The following NFX1 variants were observed in gnomAD, a reference collection of about 807,000 sequenced individuals.
The protein encoded by NFX1 is transcriptional repressor NF-X1.
Under a neutral mutation model 137.2 loss-of-function variants are expected in NFX1, and 69 were observed. The observed-to-expected ratio is 0.50, with a 90% CI of 0.41 to 0.61. The LOEUF is 0.61. NFX1 is among the 20% of genes least tolerant of loss of function. The pLI is 0.00. For missense variants in NFX1, 1,167 were observed against 1,391.0 expected (o/e 0.84, Z 2.56); for synonymous variants, 495 against 474.1 (o/e 1.04, Z -0.57).
intron 20 of NFX1, among the ~76,000 whole-genome samples, chr9:33,364,449 G>T (rs1564151629): frequency 6.6e-6 from 1 of 152,182 alleles, no homozygotes; most frequent in Non-Finnish European, 1.5e-5. Flanking sequence ...TGCGTTCTCA[G>T]TTGGAGCTAT....
intron 16 of NFX1, 177 bp downstream of exon 16, chr9:33,351,967 GTA>G (rs1305363979): frequency 3.3e-5 from 19 of 580,688 alleles, no homozygotes; most frequent in Non-Finnish European, 4.9e-5. Context: ...GCCCAACTTG[GTA>G]TGGCCTTTTG....
chr9:33,315,797 T>G (rs1587833603), intron 7 of NFX1, among the ~76,000 whole-genome samples: 2 of 147,664 alleles, frequency 1.4e-5, no homozygotes, highest in African/African-American at 2.5e-5. Flanking sequence ...GAGGCTGAGG[T>G]GGAAGGATGG....
At chr9:33,342,644 T>TC in intron 12 of NFX1, 102 bp from the exon 13 acceptor site, 1 of 786,846 alleles carries the variant, frequency 1.3e-6, no homozygotes, top group Non-Finnish European at 2.0e-6. Context: ...TATCATTTTA[T>TC]CCATAAATGT....
chr9:33,325,559 G>T (rs936292087), intron 9 of NFX1, among the ~76,000 whole-genome samples: 3 of 152,270 alleles, frequency 2.0e-5, no homozygotes, highest in Non-Finnish European at 2.9e-5. Context: ...AGCTACTCGG[G>T]ATGCTGAGGC....
Position 33,313,699 on chromosome 9 carries a change from C to A in NFX1, c.1494C>A (p.Asn498Lys). ...CGQAVSVHCS[N>K]PCENILNCGQ... ...AGGCTGTCTCAGTCCACTGTTCTAACCCATGTGAGAATATTTTGAACTGTG... is the reference window on the plus strand; with the variant it reads ...AGGCTGTCTCAGTCCACTGTTCTAAACCATGTGAGAATATTTTGAACTGTG... The change falls in exon 7 of 24, where the codon AAC becomes AAA. Residue 498 changes from asparagine (N) to lysine (K), a missense_variant. Asn to Lys is a moderately conservative substitution (Grantham distance 94). Around this residue, in one of 3 missense-constraint regions of NFX1, gnomAD observed 488 missense variants for 691.5 expected, o/e 0.71. Transcript: ENST00000379540. The A allele has an allele frequency of 1.9e-6, 3 of 1,614,130 alleles. No individual in the cohort carries two copies. Among genetic ancestry groups the A allele is most frequent in the Non-Finnish European group, 2.5e-6 (3 of 1,180,000 alleles).
chr9:33,362,574 CA>C (rs1208335443), intron 19 of NFX1, among the ~76,000 whole-genome samples: 1 of 151,226 alleles, frequency 6.6e-6, no homozygotes, highest in Non-Finnish European at 1.5e-5. Context: ...AATACAGAAG[CA>C]GAGAGTAGAC....
intron 23 of NFX1, among the ~76,000 whole-genome samples, chr9:33,368,403 T>C (rs936615856): frequency 3.9e-5 from 6 of 152,182 alleles, no homozygotes; most frequent in Non-Finnish European, 8.8e-5. Flanking sequence ...GAAAACCAAG[T>C]TGGCAAGGGG....
intron 10 of NFX1, among the ~76,000 whole-genome samples, chr9:33,329,492 T>C (rs985358462): frequency 2.0e-5 from 3 of 152,164 alleles, no homozygotes; most frequent in Admixed American, 6.6e-5. Flanking sequence ...ATGACACTTA[T>C]ATCAGGCATG....
chr9:33,290,794 A>G (rs1821129765), intron 1 of NFX1, among the ~76,000 whole-genome samples, 197 bp downstream of exon 1: 2 of 152,242 alleles, frequency 1.3e-5, no homozygotes, highest in African/African-American at 2.4e-5. Flanking sequence ...GGTGAAGCCC[A>G]GTAGCTGGGT....
chr9:33,346,080 T>C (rs1374022046), intron 14 of NFX1, among the ~76,000 whole-genome samples: 2 of 152,220 alleles, frequency 1.3e-5, no homozygotes, highest in African/African-American at 4.8e-5. Context: ...ACTTAACAAA[T>C]TCTTCATTAA....
intron 5 of NFX1, among the ~76,000 whole-genome samples, chr9:33,307,794 C>CTTTTTT (rs139468485): frequency 1.2e-5 from 1 of 85,306 alleles, no homozygotes; most frequent in Non-Finnish European, 2.4e-5. Flanking sequence ...TTCTTTCTTT[C>CTTTTTT]TTTTTTTTTT....
Position 33,328,630 on chromosome 9 carries a change from A to G in NFX1, c.1956A>G (p.Pro652=). 3.7e-6 allele frequency: 6 copies of G among 1,612,744 alleles called. No individual in the cohort carries two copies. The highest frequency in any genetic ancestry group is 5.1e-6 in the Non-Finnish European group (6 of 1,178,834). ...EKLCHEGDCG[P]CSRTSVISCR... Reference sequence around the variant, plus strand: ...TCTGCCATGAAGGAGACTGTGGACCATGCTCTCGCACATCAGTTATTTCCT... The same window carrying G: ...TCTGCCATGAAGGAGACTGTGGACCGTGCTCTCGCACATCAGTTATTTCCT... Residue 652 remains proline, a synonymous_variant, in exon 10 of 24, where the codon CCA becomes CCG. Coordinates refer to ENST00000379540, the MANE Select transcript of NFX1 (RefSeq NM_002504.6).
intron 11 of NFX1, 187 bp downstream of exon 11, chr9:33,332,689 A>G: frequency 1.9e-6 from 1 of 530,636 alleles, no homozygotes; most frequent in East Asian, 3.1e-5. Context: ...GCTGAAAAAT[A>G]TAAGCTAAGT....
chr9:33,301,215 T>C (rs755724429), intron 2 of NFX1, 48 bp from the exon 3 acceptor site: 12 of 1,550,744 alleles, frequency 7.7e-6, no homozygotes, highest in Non-Finnish European at 1.1e-5. Context: ...TGAGGAATGG[T>C]TTTTTGTGTT....
chr9:33,369,923 A>G lies in NFX1; in HGVS notation c.3308A>G (p.Asn1103Ser), dbSNP rs1363993910. 3.7e-6 allele frequency: 6 copies of G among 1,613,486 alleles called. No individual in the cohort carries two copies. In the Admixed American group the frequency reaches 6.7e-5, roughly 18 times the overall value. ...HQSDKNPGSS[N>S]LQKITKEPII... ...TTTTTCAGGAATCCTGGGAGCAGTA[A>G]TTTACAGAAAATAACCAAGGAGCCA... is the stretch of plus-strand genomic sequence containing the variant. Residue 1103 changes from asparagine (N) to serine (S), a missense_variant, in exon 24 of 24, where the codon AAT (asparagine) becomes AGT (serine). Coordinates refer to ENST00000379540, the MANE Select transcript of NFX1 (RefSeq NM_002504.6).
intron 22 of NFX1, among the ~76,000 whole-genome samples, 179 bp downstream of exon 22, chr9:33,366,953 C>T (rs552375121): frequency 9.9e-5 from 15 of 152,268 alleles, no homozygotes; most frequent in Non-Finnish European, 1.8e-4. Context: ...AGAGCAAAAC[C>T]TATGCCTCGA....
At position 33,305,736 on chromosome 9, in the gene NFX1, G is replaced by C. The variant is rs149416158; in HGVS notation, c.1271-1458G>C. On this transcript the variant is annotated intron_variant, in intron 4 of 23. Transcript: ENST00000379540. ...AAAGTTTCATGCTTTTGGAAATGGTGATACCAAGGAAAAGGGCAGGTCAAA... is the reference window on the plus strand; with the variant it reads ...AAAGTTTCATGCTTTTGGAAATGGTCATACCAAGGAAAAGGGCAGGTCAAA... Among the ~76,000 whole-genome samples the C allele has an allele frequency of 2.6e-3, 400 of 152,316 alleles. 3 individuals are homozygous for C. The highest frequency in any genetic ancestry group is 9.2e-3 in the African/African-American group (381 of 41,568).
rs1328591658 is a variant in NFX1 at position 33,361,512 on chromosome 9, C to T, written c.2874-2498C>T. Among the ~76,000 whole-genome samples the T allele has an allele frequency of 2.0e-5, 3 of 152,110 alleles. No individual in the cohort carries two copies. The East Asian group carries it at 5.8e-4, about 29-fold the overall frequency. On this transcript the variant is annotated intron_variant, in intron 19 of 23. Transcript: ENST00000379540. The stretch of plus-strand genomic sequence containing the variant: ...GAAAGGCTGGGCGCAGTGGCTCACA[C>T]CCGTAATCCCAGCACTTTGGGAGGT...
chr9:33,338,658 A>G, intron 12 of NFX1, 69 bp downstream of exon 12: 4 of 1,357,524 alleles, frequency 2.9e-6, no homozygotes, highest in East Asian at 4.7e-5. Context: ...AGCCTGAGCC[A>G]TGTGGAGAAT....
Sources: gnomAD v4.1 joint callset for allele counts (sites outside exome capture counted in the v4.1 genomes callset) on GRCh38, gnomAD v4.1.1 for gene constraint, gnomAD v4.1.1 regional missense constraint, MANE v1.5 for transcripts, NCBI Gene and HGNC (gene_info 2026-07-23, HGNC 2026-07-21) for gene names.